The following KATNAL2 variants were observed in gnomAD, a reference collection of about 807,000 sequenced individuals.
The protein encoded by KATNAL2 is katanin p60 ATPase-containing subunit A-like 2.
A neutral mutation model predicts 76.3 loss-of-function variants in KATNAL2; 52 were observed. The observed-to-expected ratio is 0.68, with a 90% CI of 0.55 to 0.86. The LOEUF (loss-of-function observed/expected upper bound fraction) is 0.86. Among genes scored for constraint, KATNAL2 ranks in the 40% least tolerant of loss-of-function variants. The pLI is 0.00. For missense variants in KATNAL2, 660 were observed against 668.9 expected, an observed-to-expected ratio of 0.99 and a Z score of 0.15; for synonymous variants, 243 against 244.2, an observed-to-expected ratio of 1.00 and a Z score of 0.05.
rs375687252 is a variant in KATNAL2 at position 47,099,236 on chromosome 18, A to G, written c.1212-7A>G. The G allele has an allele frequency of 6.2e-7, 1 of 1,604,434 alleles. No homozygotes were observed. The highest frequency in any genetic ancestry group is 1.3e-5 in the African/African-American group (1 of 74,686). ...CCTGTCCAGCTCCATTTCTGGTGTG[A>G]TTTCAGGGAGCTGGACTGTGCCATG... On this transcript the variant is annotated splice_region_variant and splice_polypyrimidine_tract_variant and intron_variant, in intron 15 of 17. Transcript: ENST00000683218.
intron 3 of KATNAL2, among the ~76,000 whole-genome samples, chr18:46,950,200 A>C (rs557929815): frequency 3.9e-5 from 6 of 152,228 alleles, no homozygotes; most frequent in Admixed American, 6.5e-5. Context: ...ATTTCTTGGA[A>C]CTTGAAAGCA....
chr18:47,090,490 C>T (rs1015773607), intron 15 of KATNAL2, among the ~76,000 whole-genome samples: 2 of 152,128 alleles, frequency 1.3e-5, no homozygotes, highest in African/African-American at 4.8e-5. Flanking sequence ...GGTCCATAAT[C>T]TTTGGCCTCT....
intron 3 of KATNAL2, among the ~76,000 whole-genome samples, chr18:46,958,821 T>G (rs2059842876): frequency 6.6e-6 from 1 of 152,246 alleles, no homozygotes; most frequent in African/African-American, 2.4e-5. Context: ...TGCACGATAA[T>G]GGTTTTTGGA....
intron 3 of KATNAL2, among the ~76,000 whole-genome samples, chr18:47,032,161 G>A (rs1321568504): frequency 3.3e-5 from 5 of 152,214 alleles, no homozygotes; most frequent in Non-Finnish European, 7.3e-5. Context: ...ATGATTCTAT[G>A]TGTTACTTAG....
At chr18:47,033,172 C>G in intron 3 of KATNAL2, 1 of 1,614,092 alleles carries the variant, frequency 6.2e-7, no homozygotes. Context: ...GATGCTGCTG[C>G]TGCTGTCTCT....
intron 15 of KATNAL2, among the ~76,000 whole-genome samples, chr18:47,097,723 GTATTT>G (rs1243997898): frequency 6.6e-6 from 1 of 152,298 alleles, no homozygotes; most frequent in African/African-American, 2.4e-5. Context: ...GATGGTTGGA[GTATTT>G]TATTTTTTAA....
chr18:47,071,953 C>CTTCTT (rs2062020721), intron 13 of KATNAL2, among the ~76,000 whole-genome samples: 1 of 43,950 alleles, frequency 2.3e-5, no homozygotes, highest in Non-Finnish European at 3.6e-5. Flanking sequence ...CCAATTTCTT[C>CTTCTT]TTTTTTTTTT....
intron 1 of KATNAL2, among the ~76,000 whole-genome samples, chr18:46,945,268 T>G (rs1306211357): frequency 6.6e-6 from 1 of 152,262 alleles, no homozygotes; most frequent in Non-Finnish European, 1.5e-5. Flanking sequence ...AAGTGCAGTA[T>G]GAAAAGTATG....
intron 14 of KATNAL2, among the ~76,000 whole-genome samples, chr18:47,075,582 G>C (rs1472251726): frequency 2.0e-5 from 3 of 152,206 alleles, no homozygotes; most frequent in African/African-American, 7.2e-5. Context: ...CGGAGGAAAT[G>C]CCATTCTCCC....
chr18:46,933,742 A>C, intron 1 of KATNAL2, among the ~76,000 whole-genome samples: 2 of 128,774 alleles, frequency 1.6e-5, no homozygotes, highest in African/African-American at 3.0e-5. Context: ...TGCACCCATT[A>C]ACTCGTCATT....
chr18:47,031,745 C>G (rs1449706681), intron 3 of KATNAL2, among the ~76,000 whole-genome samples: 3 of 152,146 alleles, frequency 2.0e-5, no homozygotes, highest in African/African-American at 7.2e-5. Context: ...TCCCAAAGTG[C>G]TGAGGTAGGG....
intron 3 of KATNAL2, chr18:47,034,512 C>G: frequency 1.2e-6 from 2 of 1,614,224 alleles, no homozygotes; most frequent in Non-Finnish European, 1.7e-6. Context: ...CGCATGATTT[C>G]TCCCTGATCA....
chr18:47,092,831 T>C (rs995267185), intron 15 of KATNAL2, among the ~76,000 whole-genome samples: 1 of 152,238 alleles, frequency 6.6e-6, no homozygotes, highest in Non-Finnish European at 1.5e-5. Context: ...CTCTCCTCCT[T>C]TGGAGAGAAT....
chr18:47,099,506 T>C, intron 16 of KATNAL2, 101 bp downstream of exon 16: 1 of 1,153,716 alleles, frequency 8.7e-7, no homozygotes, highest in South Asian at 1.7e-5. Context: ...TTGAGACACT[T>C]AGAATAAGAT....
chr18:47,042,269 A>G (rs921002246), intron 3 of KATNAL2, among the ~76,000 whole-genome samples: 1 of 152,208 alleles, frequency 6.6e-6, no homozygotes, highest in Non-Finnish European at 1.5e-5. Flanking sequence ...CAAAGCAACA[A>G]CTAGCTTTTG....
intron 3 of KATNAL2, among the ~76,000 whole-genome samples, chr18:46,950,245 C>T (rs2059509415): frequency 6.6e-6 from 1 of 152,038 alleles, no homozygotes; most frequent in African/African-American, 2.4e-5. Flanking sequence ...TTGTTTTAGT[C>T]CCTAGATGGC....
chr18:47,039,474 G>A (rs544640420), intron 3 of KATNAL2, among the ~76,000 whole-genome samples: 22 of 151,128 alleles, frequency 1.5e-4, no homozygotes, highest in Non-Finnish European at 3.1e-4. Flanking sequence ...TTTTTTTTCT[G>A]TTCCTCTAAT....
intron 15 of KATNAL2, among the ~76,000 whole-genome samples, chr18:47,084,038 T>C (rs1329248054): frequency 6.6e-6 from 1 of 152,200 alleles, no homozygotes; most frequent in Non-Finnish European, 1.5e-5. Flanking sequence ...AGAAGAAAAC[T>C]TAAGATCCAA....
intron 1 of KATNAL2, among the ~76,000 whole-genome samples, chr18:46,944,863 G>T (rs2059342201): frequency 6.6e-6 from 1 of 152,206 alleles, no homozygotes. Context: ...GGAGGCGGAG[G>T]TTGCAGTGAA....
Sources: allele counts gnomAD v4.1 joint callset (sites outside exome capture counted in the v4.1 genomes callset), GRCh38; gene constraint gnomAD v4.1.1; transcripts MANE v1.5; gene names NCBI Gene and HGNC (gene_info 2026-07-23, HGNC 2026-07-21).